DNAAF4: variants seen among roughly 807,000 people sequenced by gnomAD.
DNAAF4 encodes dynein axonemal assembly factor 4, also known as dynein assembly factor 4, axonemal.
In DNAAF4, 43 loss-of-function variants were observed where a neutral mutation model predicts 51.8. The ratio of observed to expected loss-of-function variants is 0.83; its 90% CI spans 0.65 to 1.07. The LOEUF (loss-of-function observed/expected upper bound fraction) is 1.07, where lower values mean the gene tolerates loss of function less well. DNAAF4 is among the 50% of genes least tolerant of loss of function. The pLI, the probability that DNAAF4 is intolerant of heterozygous loss-of-function variation, is 0.00. For synonymous variants in DNAAF4, 194 were observed against 165.6 expected (o/e 1.17, Z -1.32); for missense variants, 581 against 493.0 (o/e 1.18, Z -1.69).
chr15:55,433,600 T>TG (rs1230602856), intron 8 of DNAAF4, among the ~76,000 whole-genome samples: 1 of 117,488 alleles, frequency 8.5e-6, no homozygotes, highest in Admixed American at 1.1e-4. Flanking sequence ...TACTCCAGCC[T>TG]GGGCAACAGA....
chr15:55,480,030 T>C (rs1206059301), intron 4 of DNAAF4, among the ~76,000 whole-genome samples: 1 of 152,198 alleles, frequency 6.6e-6, no homozygotes, highest in Non-Finnish European at 1.5e-5. Flanking sequence ...CTTTTGCCCT[T>C]TGTCCTGTTC....
chr15:55,477,080 G>T (rs754720525), intron 4 of DNAAF4, among the ~76,000 whole-genome samples: 1 of 152,074 alleles, frequency 6.6e-6, no homozygotes, highest in African/African-American at 2.4e-5. Context: ...GCTGAGGCAG[G>T]AGAATCACTT....
intron 4 of DNAAF4, among the ~76,000 whole-genome samples, chr15:55,469,012 G>A (rs2058209374): frequency 6.6e-6 from 1 of 152,118 alleles, no homozygotes; most frequent in African/African-American, 2.4e-5. Context: ...AAAGAGAAAA[G>A]AGACTACATG....
At chr15:55,484,176 G>A (rs2058453272) in intron 4 of DNAAF4, among the ~76,000 whole-genome samples, 2 of 151,908 alleles carry the variant, frequency 1.3e-5, no homozygotes, top group East Asian at 3.9e-4. Flanking sequence ...AATACAGTAT[G>A]GCAATTCCTC....
chr15:55,457,980 T>C (rs564069974), intron 5 of DNAAF4, among the ~76,000 whole-genome samples: 1 of 152,234 alleles, frequency 6.6e-6, no homozygotes, highest in Non-Finnish European at 1.5e-5. Flanking sequence ...CCATCCCTAG[T>C]GGCAGGGGGA....
At chr15:55,449,702 T>TTG (rs1241214183) in intron 6 of DNAAF4, among the ~76,000 whole-genome samples, 1 of 141,168 alleles carries the variant, frequency 7.1e-6, no homozygotes, top group Admixed American at 7.0e-5. Flanking sequence ...ACCGCTTTTT[T>TTG]TTTTTTTTTT....
In DNAAF4 at chr15:55,443,079, G is replaced by T. The variant is rs982451933; in HGVS notation, c.784-3498C>A. The T allele has an allele frequency of 7.5e-6, 12 of 1,610,618 alleles. No individual in the cohort carries two copies. The African/African-American group carries it at 1.6e-4, about 22-fold the overall frequency. ...TCATAAGCTTTGGGTCAAGAAAATG[G>T]GTTTTAAAGTCTTGAATCCTTTCAG... is the stretch of plus-strand genomic sequence containing the variant. On this transcript the variant is annotated intron_variant, in intron 6 of 9. Coordinates refer to ENST00000321149, the MANE Select transcript of DNAAF4 (RefSeq NM_130810.4).
chr15:55,458,585 G>T (rs556405142), intron 5 of DNAAF4, among the ~76,000 whole-genome samples: 11 of 152,322 alleles, frequency 7.2e-5, no homozygotes, highest in Non-Finnish European at 2.9e-5. Context: ...TCCTGAGGAA[G>T]AAGGGAAATC....
intron 4 of DNAAF4, among the ~76,000 whole-genome samples, chr15:55,473,869 G>A (rs1418591862): frequency 2.6e-5 from 4 of 152,012 alleles, no homozygotes; most frequent in Non-Finnish European, 5.9e-5. Flanking sequence ...GCACACAACT[G>A]TAGTCCCAGC....
chr15:55,443,535 T>C lies in DNAAF4; in HGVS notation c.784-3954A>G, dbSNP rs142589029. On this transcript the variant is annotated intron_variant, in intron 6 of 9. Coordinates refer to ENST00000321149, the MANE Select transcript of DNAAF4 (RefSeq NM_130810.4). Reference sequence around the variant, plus strand: ...ATGTGCATGTGTCTTTATAGCAGCATGATTGATAATCTTTGGGTATATACC... The same window carrying C: ...ATGTGCATGTGTCTTTATAGCAGCACGATTGATAATCTTTGGGTATATACC... 8.8e-3 allele frequency among the ~76,000 whole-genome samples: 1,338 copies of C among 152,378 alleles called. 17 individuals carry two copies. The highest frequency in any genetic ancestry group is 0.03 in the African/African-American group (1,264 of 41,596).
chr15:55,505,574 T>C (rs2058722835), intron 1 of DNAAF4, among the ~76,000 whole-genome samples: 2 of 152,140 alleles, frequency 1.3e-5, no homozygotes, highest in Non-Finnish European at 2.9e-5. Flanking sequence ...CACCATGGAA[T>C]ACTATGCAGC....
chr15:55,418,704 A>T lies in DNAAF4; in HGVS notation c.1048-571T>A, dbSNP rs1049362874. On this transcript the variant is annotated intron_variant, in intron 7 of 7. Coordinates refer to the DNAAF4 transcript ENST00000448430. ...TAAAATAAGTTAAATAAAGTATTTCAACTGATAACTACATGACAGTGACTT... is the reference window on the plus strand; with the variant it reads ...TAAAATAAGTTAAATAAAGTATTTCTACTGATAACTACATGACAGTGACTT... 9 of 629,132 alleles carry T rather than the reference A, an allele frequency of 1.4e-5. No homozygotes were observed. The Middle Eastern group carries it at 2.6e-3, about 180-fold the overall frequency. 39.0% of individuals were successfully genotyped at this position (629,132 alleles called of 1,614,324 possible). A position where few individuals can be genotyped will look rare whatever the true frequency, so the allele number is the denominator to read the frequency against.
At chr15:55,442,455 T>C (rs2057729618) in intron 6 of DNAAF4, among the ~76,000 whole-genome samples, 1 of 152,168 alleles carries the variant, frequency 6.6e-6, no homozygotes, top group Non-Finnish European at 1.5e-5. Context: ...AGTGTTTCTG[T>C]GTTAAAAAGT....
rs10688653 is a variant in DNAAF4, at chr15:55,455,387, AATATAT to A, written c.638-5026_638-5021del. On this transcript the variant is annotated intron_variant, in intron 5 of 9. Transcript: ENST00000321149. ...CTGCTTATAAAATATTAGCAAATTG[AATATAT>A]ATATATATATATATATATATTCAAT... Among the ~76,000 whole-genome samples, 211 of 127,316 alleles carry A rather than the reference AATATAT, an allele frequency of 1.7e-3. 2 individuals are homozygous for A. The highest frequency in any genetic ancestry group is 2.0e-3 in the Non-Finnish European group (125 of 63,264). The allele number at this position is 127,316 out of a possible 152,430, so 83.5% of individuals were successfully genotyped here. A position where few individuals can be genotyped will look rare whatever the true frequency, so the allele number is the denominator to read the frequency against.
chr15:55,464,057 ATAC>A (rs1442010416), intron 5 of DNAAF4, among the ~76,000 whole-genome samples: 1 of 152,212 alleles, frequency 6.6e-6, no homozygotes, highest in Non-Finnish European at 1.5e-5. Context: ...ACTTCAAACT[ATAC>A]TACAAGGCCA....
At chr15:55,447,451 C>G (rs2057851351) in intron 6 of DNAAF4, among the ~76,000 whole-genome samples, 1 of 151,852 alleles carries the variant, frequency 6.6e-6, no homozygotes, top group Admixed American at 6.6e-5. Context: ...TTGTAGCGAG[C>G]CGAGATCATG....
chr15:55,493,899 T>C (rs1194933561), intron 3 of DNAAF4, among the ~76,000 whole-genome samples: 1 of 150,760 alleles, frequency 6.6e-6, no homozygotes, highest in Non-Finnish European at 1.5e-5. Context: ...AGGTGAAGTC[T>C]CCCTATGTTG....
intron 5 of DNAAF4, among the ~76,000 whole-genome samples, chr15:55,453,157 G>A (rs527264240): frequency 2.0e-5 from 3 of 152,260 alleles, no homozygotes; most frequent in East Asian, 1.9e-4. Flanking sequence ...ATGCTTATAC[G>A]ATCTCTGCTC....
chr15:55,440,706 G>C (rs768358855), intron 6 of DNAAF4, among the ~76,000 whole-genome samples: 2 of 146,808 alleles, frequency 1.4e-5, no homozygotes, highest in Non-Finnish European at 3.0e-5. Context: ...TTTTGAGACA[G>C]AGTCTCACTC....
Sources: allele counts gnomAD v4.1 joint callset (sites outside exome capture counted in the v4.1 genomes callset), GRCh38; gene constraint gnomAD v4.1.1; transcripts MANE v1.5; gene names NCBI Gene and HGNC (gene_info 2026-07-23, HGNC 2026-07-21).